Variants in WASL observed in about 807,000 individuals in gnomAD.
WASL encodes the protein WASP like actin nucleation promoting factor, also known as actin nucleation-promoting factor WASL.
In WASL, 20 loss-of-function variants were observed where a neutral mutation model predicts 55.5. The ratio of observed to expected loss-of-function variants is 0.36; its 90% confidence interval spans 0.25 to 0.52. The LOEUF is 0.52. WASL is among the 20% of genes least tolerant of loss of function. WASL has a pLI of 0.92. For missense variants in WASL, 504 were observed against 622.5 expected (o/e 0.81, Z 2.03); for synonymous variants, 249 against 217.6 (o/e 1.14, Z -1.27).
chr7:123,721,733 T>C (rs1047200414), intron 1 of WASL, among the ~76,000 whole-genome samples: 1 of 152,062 alleles, frequency 6.6e-6, no homozygotes, highest in Non-Finnish European at 1.5e-5. Flanking sequence ...TCCAACATGA[T>C]GAAACCCTGT....
chr7:123,686,412 C>A lies in WASL; in HGVS notation c.1457-1832G>T, dbSNP rs542643743. Among the ~76,000 whole-genome samples the A allele has an allele frequency of 5.3e-5, 8 of 152,006 alleles. 1 individual carries two copies. The highest frequency in any genetic ancestry group is 1.9e-4 in the African/African-American group (8 of 41,492). Reference sequence around the variant, plus strand: ...TGACTATGCTGGCATTACAGACTGACAAAAGACAGAAACTTATCAGTATCT... The same window carrying A: ...TGACTATGCTGGCATTACAGACTGAAAAAAGACAGAAACTTATCAGTATCT... On this transcript the variant is annotated intron_variant, in intron 10 of 10. Coordinates refer to ENST00000223023, the MANE Select transcript of WASL (RefSeq NM_003941.4).
chr7:123,718,349 G>A (rs1228786606), intron 1 of WASL, among the ~76,000 whole-genome samples: 1 of 152,092 alleles, frequency 6.6e-6, no homozygotes, highest in African/African-American at 2.4e-5. Context: ...TGTATATGAA[G>A]AAAACAAACA....
chr7:123,725,679 G>A (rs965844960), intron 1 of WASL, among the ~76,000 whole-genome samples: 2 of 152,008 alleles, frequency 1.3e-5, no homozygotes, highest in Non-Finnish European at 2.9e-5. Context: ...TCATACATGA[G>A]GAAATTAAAA....
At chr7:123,730,587 C>A (rs1486574389) in intron 1 of WASL, among the ~76,000 whole-genome samples, 3 of 151,788 alleles carry the variant, frequency 2.0e-5, no homozygotes, top group Admixed American at 2.0e-4. Flanking sequence ...AAAAGAGAGA[C>A]AATGGAATCA....
chr7:123,709,012 AAC>A, intron 2 of WASL, 75 bp downstream of exon 2: 1 of 1,364,462 alleles, frequency 7.3e-7, no homozygotes, highest in Non-Finnish European at 9.8e-7. Context: ...ATATAGGATA[AAC>A]AAATCTAAAC....
At position 123,699,899 on chromosome 7, in the gene WASL, G is replaced by A. The variant is rs192406912; in HGVS notation, c.461-3152C>T. Among the ~76,000 whole-genome samples the A allele has an allele frequency of 3.2e-3, 488 of 152,010 alleles. 4 individuals are homozygous for A. The highest frequency in any genetic ancestry group is 0.011 in the African/African-American group (456 of 41,476). On this transcript the variant is annotated intron_variant, in intron 5 of 10. Coordinates refer to ENST00000223023, the MANE Select transcript of WASL (RefSeq NM_003941.4). ...ACTAGTTAAAACATTATTTAAGGCCGGGCGCGGTGGCTCACGCCTGTAATC... is the reference window on the plus strand; with the variant it reads ...ACTAGTTAAAACATTATTTAAGGCCAGGCGCGGTGGCTCACGCCTGTAATC...
At chr7:123,710,724 T>C (rs1182194966) in intron 1 of WASL, among the ~76,000 whole-genome samples, 2 of 152,054 alleles carry the variant, frequency 1.3e-5, no homozygotes, top group African/African-American at 4.8e-5. Flanking sequence ...ATAAAAATTA[T>C]GATAACTTAA....
Position 123,696,757 on chromosome 7 carries a change from A to C in WASL, c.461-10T>G. ...ATGGGTAGATTAGGACCTGCAAATA[A>C]AACCAAATTATATAAAAGGGATATA... On this transcript the variant is annotated splice_polypyrimidine_tract_variant and intron_variant, in intron 5 of 10. Coordinates refer to ENST00000223023, the MANE Select transcript of WASL (RefSeq NM_003941.4). The C allele has an allele frequency of 6.7e-7, 1 of 1,497,666 alleles. No individual in the cohort carries two copies. The highest frequency in any genetic ancestry group is 8.9e-7 in the Non-Finnish European group (1 of 1,123,950). 92.8% of individuals were successfully genotyped at this position (1,497,666 alleles called of 1,614,324 possible). A position where few individuals can be genotyped will look rare whatever the true frequency, so the allele number is the denominator to read the frequency against.
intron 1 of WASL, among the ~76,000 whole-genome samples, chr7:123,747,169 T>C (rs1804447346): frequency 6.6e-6 from 1 of 152,226 alleles, no homozygotes; most frequent in Non-Finnish European, 1.5e-5. Context: ...TACAATGGGA[T>C]AGGACTAGGT....
At chr7:123,712,010 G>A (rs1425167504) in intron 1 of WASL, among the ~76,000 whole-genome samples, 1 of 152,114 alleles carries the variant, frequency 6.6e-6, no homozygotes, top group Non-Finnish European at 1.5e-5. Context: ...GGAAGAATAT[G>A]GGGGATGTAT....
intron 1 of WASL, among the ~76,000 whole-genome samples, chr7:123,731,391 G>A (rs1804134336): frequency 6.6e-6 from 1 of 152,108 alleles, no homozygotes; most frequent in Admixed American, 6.5e-5. Flanking sequence ...TCCTCTATCA[G>A]TGATTGACAA....
intron 5 of WASL, among the ~76,000 whole-genome samples, chr7:123,697,633 C>T (rs1803513504): frequency 6.6e-6 from 1 of 152,174 alleles, no homozygotes; most frequent in Non-Finnish European, 1.5e-5. Context: ...ACTACATTAA[C>T]GACCACTTCC....
intron 9 of WASL, among the ~76,000 whole-genome samples, chr7:123,691,854 T>C (rs1407101432): frequency 6.6e-6 from 1 of 152,244 alleles, no homozygotes; most frequent in Non-Finnish European, 1.5e-5. Flanking sequence ...ATAAAGCTAC[T>C]GGTTTAGATT....
intron 1 of WASL, among the ~76,000 whole-genome samples, chr7:123,717,621 C>A (rs1199592975): frequency 6.6e-6 from 1 of 152,170 alleles, no homozygotes; most frequent in African/African-American, 2.4e-5. Context: ...GTGGTCCAAA[C>A]AAATGAGATG....
chr7:123,737,581 C>T (rs910151653), intron 1 of WASL, among the ~76,000 whole-genome samples: 26 of 112,808 alleles, frequency 2.3e-4, no homozygotes, highest in African/African-American at 9.1e-4. Flanking sequence ...GGTGACAGAG[C>T]AAGACTCCGT....
chr7:123,746,497 AG>A (rs1319930753), intron 1 of WASL, among the ~76,000 whole-genome samples: 7 of 152,238 alleles, frequency 4.6e-5, no homozygotes, highest in African/African-American at 1.7e-4. Context: ...CAGCCAAGGG[AG>A]GAAAAGATTA....
rs188209318 is a variant in WASL, at chr7:123,700,837, T to C, written c.460+3797A>G. On this transcript the variant is annotated intron_variant, in intron 5 of 10. Coordinates refer to ENST00000223023, the MANE Select transcript of WASL (RefSeq NM_003941.4). ...TCATAATACATTCTTTGTTTGCCAATTTTTCAGTTTTCTTGGTCTGTGGTC... is the reference window on the plus strand; with the variant it reads ...TCATAATACATTCTTTGTTTGCCAACTTTTCAGTTTTCTTGGTCTGTGGTC... Among the ~76,000 whole-genome samples, 589 of 152,352 alleles carry C rather than the reference T, an allele frequency of 3.9e-3. 2 individuals carry two copies. Among genetic ancestry groups the C allele is most frequent in the Non-Finnish European group, 6.0e-3 (406 of 68,030 alleles).
Position 123,692,717 on chromosome 7 carries a change from G to A in WASL, c.977C>T (p.Pro326Leu), listed in dbSNP as rs770085703. ...GACTGCTACACTTGGCCTGGAAGGAGGCGGTGGTGGAGGTGCAGCTGTGGG... is the reference window on the plus strand; with the variant it reads ...GACTGCTACACTTGGCCTGGAAGGAAGCGGTGGTGGAGGTGCAGCTGTGGG... Reference protein sequence around the residue: ...RAPTAAPPPPPPSRPSVAVPP... With the variant: ...RAPTAAPPPPLPSRPSVAVPP... Residue 326 changes from proline to leucine, a missense_variant, in exon 9 of 11, where the codon CCT becomes CTT. Pro to Leu is a moderately conservative substitution (Grantham distance 98, BLOSUM62 -3). Transcript: ENST00000223023. 9.2e-6 allele frequency: 14 copies of A among 1,517,782 alleles called. No individual in the cohort carries two copies. The highest frequency in any genetic ancestry group is 2.8e-5 in the African/African-American group (2 of 71,538). The allele number at this position is 1,517,782 out of a possible 1,614,324, so 94.0% of individuals were successfully genotyped here. A position where few individuals can be genotyped will look rare whatever the true frequency, so the allele number is the denominator to read the frequency against.
chr7:123,695,638 T>TTA (rs567150282), intron 7 of WASL, among the ~76,000 whole-genome samples, 185 bp downstream of exon 7: 5 of 152,154 alleles, frequency 3.3e-5, no homozygotes, highest in Admixed American at 3.3e-4. Flanking sequence ...GTCTAAGTCT[T>TTA]TAGAGACTTA....
Sources: gnomAD v4.1 joint callset for allele counts (sites outside exome capture counted in the v4.1 genomes callset) on GRCh38, gnomAD v4.1.1 for gene constraint, MANE v1.5 for transcripts, NCBI Gene and HGNC (gene_info 2026-07-23, HGNC 2026-07-21) for gene names.